The following KMT2E variants were observed in gnomAD, a reference collection of about 807,000 sequenced individuals.
KMT2E encodes the protein histone reader KMT2E.
KMT2E carries 30 observed loss-of-function variants against 184.6 expected under a neutral mutation model. The observed-to-expected ratio is 0.16, with a 90% confidence interval of 0.12 to 0.22. The LOEUF (loss-of-function observed/expected upper bound fraction) is 0.22, where lower values mean the gene tolerates loss of function less well. KMT2E is among the 10% of genes least tolerant of loss of function. KMT2E has a pLI of 1.00. For missense variants in KMT2E, 2,023 were observed against 2,237.4 expected, an observed-to-expected ratio of 0.90 and a Z score of 1.93; for synonymous variants, 815 against 776.5, an observed-to-expected ratio of 1.05 and a Z score of -0.82.
At chr7:105,063,215 G>A (rs1422884368) in intron 4 of KMT2E, 136 bp from the exon 5 acceptor site, 5 of 590,974 alleles carry the variant, frequency 8.5e-6, no homozygotes, top group Non-Finnish European at 1.4e-5. Flanking sequence ...TTTTTTTAAT[G>A]GTATTAAGGA....
chr7:105,076,853 G>T (rs1382852993), intron 9 of KMT2E, 110 bp from the exon 10 acceptor site: 2 of 781,678 alleles, frequency 2.6e-6, no homozygotes, highest in Non-Finnish European at 4.3e-6. Flanking sequence ...ATGTTCTTTT[G>T]TATAGATTGC....
intron 3 of KMT2E, among the ~76,000 whole-genome samples, chr7:105,045,921 GTTTC>G (rs1352824900): frequency 1.3e-5 from 2 of 151,972 alleles, no homozygotes; most frequent in African/African-American, 4.8e-5. Flanking sequence ...CTTTTTAAAT[GTTTC>G]TTCTTTTTCT....
intron 13 of KMT2E, among the ~76,000 whole-genome samples, chr7:105,085,963 C>G (rs1797946825): frequency 6.6e-6 from 1 of 152,188 alleles, no homozygotes; most frequent in Non-Finnish European, 1.5e-5. Flanking sequence ...TGAGCCACCA[C>G]CACCGGCCCT....
intron 9 of KMT2E, 43 bp from the exon 10 acceptor site, chr7:105,076,920 A>T (rs764070924): frequency 2.5e-6 from 2 of 805,882 alleles, no homozygotes; most frequent in Admixed American, 2.0e-5. Flanking sequence ...GTGTGTGTGT[A>T]AGTCCGTAAG....
intron 18 of KMT2E, 57 bp from the exon 19 acceptor site, chr7:105,105,802 G>T (rs1199867018): frequency 2.5e-6 from 4 of 1,577,246 alleles, no homozygotes; most frequent in Non-Finnish European, 3.4e-6. Context: ...GTATTTACAG[G>T]CTATATAAAC....
intron 23 of KMT2E, 74 bp downstream of exon 23, chr7:105,109,302 T>TC (rs1405939509): frequency 6.9e-7 from 1 of 1,457,728 alleles, no homozygotes; most frequent in Non-Finnish European, 9.3e-7. Context: ...TTTGTTGTTC[T>TC]CCCAAGGCTA....
Position 105,061,005 on chromosome 7 carries a change from A to G in KMT2E, c.72-1159A>G, listed in dbSNP as rs116994730. Among the ~76,000 whole-genome samples the G allele has an allele frequency of 4.5e-3, 683 of 152,348 alleles. 5 individuals carry two copies. The highest frequency in any genetic ancestry group is 7.5e-3 in the Non-Finnish European group (509 of 68,040). On this transcript the variant is annotated intron_variant, in intron 3 of 26. Transcript: ENST00000311117. The stretch of plus-strand genomic sequence containing the variant: ...ATGTATCTCCAATGTTAAGCAAAGC[A>G]TGACTATATTCAGAACATAATGGAG...
chr7:105,086,300 TAGG>T (rs1020249393), intron 13 of KMT2E, among the ~76,000 whole-genome samples: 2 of 152,184 alleles, frequency 1.3e-5, no homozygotes, highest in Non-Finnish European at 2.9e-5. Context: ...GGTAGGGACA[TAGG>T]AGTGGAATTG....
intron 3 of KMT2E, among the ~76,000 whole-genome samples, chr7:105,059,464 C>G (rs528142850): frequency 3.3e-4 from 50 of 152,090 alleles, no homozygotes; most frequent in African/African-American, 1.1e-3. Flanking sequence ...GTACATTTAC[C>G]CTTTTGTTCA....
intron 3 of KMT2E, among the ~76,000 whole-genome samples, chr7:105,054,128 A>G (rs1035791565): frequency 2.6e-5 from 4 of 152,038 alleles, no homozygotes; most frequent in Admixed American, 1.3e-4. Context: ...GCTGAGATAC[A>G]TCACTGCACT....
chr7:105,019,799 A>G (rs567924341), intron 1 of KMT2E, among the ~76,000 whole-genome samples: 2 of 152,288 alleles, frequency 1.3e-5, no homozygotes, highest in East Asian at 3.9e-4. Context: ...AGACTAGGAC[A>G]TATCAGATAT....
chr7:105,031,013 T>C (rs1042083416), intron 1 of KMT2E, among the ~76,000 whole-genome samples: 2 of 152,106 alleles, frequency 1.3e-5, no homozygotes, highest in African/African-American at 4.8e-5. Context: ...AAAGCATACT[T>C]AGAAGGAGAT....
At position 105,100,312 on chromosome 7, in the gene KMT2E, G is replaced by A. The variant is rs151221576; in HGVS notation, c.1723-1113G>A. 1.6e-4 allele frequency among the ~76,000 whole-genome samples: 24 copies of A among 152,300 alleles called. No homozygotes were observed. In the East Asian group the frequency reaches 4.2e-3, roughly 27 times the overall value. On this transcript the variant is annotated intron_variant, in intron 15 of 26. Transcript: ENST00000311117. ...GAACAGGTAAACAGTAGTTTCCAAA[G>A]TGTAGGTATCTTGAGGCTTGAATCT...
intron 3 of KMT2E, among the ~76,000 whole-genome samples, chr7:105,054,454 GTCTGTCTATCTATCTATCTATCTATCTA>G (rs1369019850): frequency 9.2e-6 from 1 of 109,110 alleles, no homozygotes; most frequent in African/African-American, 3.1e-5. Context: ...TGCTCTGTCT[GTCTGTCTATCTATCTATCTATCTATCTA>G]TCTATCTATC....
chr7:105,112,131 C>T lies in KMT2E; in HGVS notation c.4375C>T (p.Pro1459Ser), dbSNP rs1336173119. 7 of 1,614,206 alleles carry T rather than the reference C, an allele frequency of 4.3e-6. No homozygotes were observed. The East Asian group carries it at 8.9e-5, about 21-fold the overall frequency. ...NPPKSSTPHT[P>S]VQHGYLSPKP... ...TCCAAAGTCATCCACGCCTCACACA[C>T]CTGTACAGCATGGTTATCTTTCACC... The change falls in exon 27 of 27, where the codon CCT (proline) becomes TCT (serine). Residue 1459 changes from proline (P) to serine (S), a missense_variant. By Grantham distance (74) the Pro-to-Ser change is moderately conservative. Around this residue, in one of 8 missense-constraint regions of KMT2E, gnomAD observed 1,108 missense variants for 1,050.9 expected, o/e 1.05. Transcript: ENST00000311117.
chr7:105,100,286 G>A (rs1377120314), intron 15 of KMT2E, among the ~76,000 whole-genome samples: 1 of 152,168 alleles, frequency 6.6e-6, no homozygotes, highest in African/African-American at 2.4e-5. Context: ...CAAAAATACA[G>A]GAACAGGTAA....
rs67291226 is a variant in KMT2E at position 105,059,978 on chromosome 7, G to GTTTTTTTTTTTTTTT, written c.72-2167_72-2153dup. On this transcript the variant is annotated intron_variant, in intron 3 of 26. Coordinates refer to ENST00000311117, the MANE Select transcript of KMT2E (RefSeq NM_182931.3). ...GCTGAATATTGATTTTCTTGTTGTT[G>GTTTTTTTTTTTTTTT]TTTTTTTTTTTTTTTTTTTTTTTTT... is the stretch of plus-strand genomic sequence containing the variant. Among the ~76,000 whole-genome samples, 81 of 51,800 alleles carry GTTTTTTTTTTTTTTT rather than the reference G, an allele frequency of 1.6e-3. 13 individuals are homozygous for GTTTTTTTTTTTTTTT. The highest frequency in any genetic ancestry group is 2.1e-3 in the Non-Finnish European group (53 of 24,954). 34.0% of individuals were successfully genotyped at this position (51,800 alleles called of 152,430 possible). A position where few individuals can be genotyped will look rare whatever the true frequency, so the allele number is the denominator to read the frequency against.
chr7:105,019,638 C>T (rs1042451580), intron 1 of KMT2E, among the ~76,000 whole-genome samples: 5 of 152,102 alleles, frequency 3.3e-5, no homozygotes, highest in African/African-American at 1.2e-4. Context: ...AATATGAAAT[C>T]TGGGTTTAGA....
intron 15 of KMT2E, among the ~76,000 whole-genome samples, chr7:105,097,344 A>G (rs899172550): frequency 6.6e-6 from 1 of 152,068 alleles, no homozygotes; most frequent in Non-Finnish European, 1.5e-5. Flanking sequence ...AAGATAAGTA[A>G]TTAATGACAT....
Sources: allele counts gnomAD v4.1 joint callset (sites outside exome capture counted in the v4.1 genomes callset), GRCh38; gene constraint gnomAD v4.1.1; regional missense constraint gnomAD v4.1.1; transcripts MANE v1.5; gene names NCBI Gene and HGNC (gene_info 2026-07-23, HGNC 2026-07-21).